The following EMC8 variants were observed in gnomAD, a reference collection of about 807,000 sequenced individuals.
EMC8 encodes COX4 neighbor.
A neutral mutation model predicts 24.3 loss-of-function variants in EMC8; 11 were observed. The ratio of observed to expected loss-of-function variants is 0.45; its 90% CI spans 0.28 to 0.75. The LOEUF is 0.75. Among genes scored for constraint, EMC8 ranks in the 30% least tolerant of loss-of-function variants. The pLI, the probability that EMC8 is intolerant of heterozygous loss-of-function variation, is 0.12. For synonymous variants in EMC8, 145 were observed against 117.7 expected (o/e 1.23, Z -1.50); for missense variants, 277 against 282.7 (o/e 0.98, Z 0.14).
At chr16:85,794,416 C>T (rs1388785402) in intron 1 of EMC8, among the ~76,000 whole-genome samples, 1 of 152,100 alleles carries the variant, frequency 6.6e-6, no homozygotes, top group African/African-American at 2.4e-5. Context: ...GGGCTGAGTG[C>T]GGTGACTCAC....
At chr16:85,781,132 G>A in intron 3 of EMC8, 79 bp downstream of exon 3, 3 of 1,030,170 alleles carry the variant, frequency 2.9e-6, no homozygotes, top group South Asian at 2.6e-5. Flanking sequence ...TTAGCGGAAA[G>A]GAAACCGCCG....
chr16:85,793,534 C>A (rs948548494), intron 1 of EMC8, among the ~76,000 whole-genome samples: 17 of 152,168 alleles, frequency 1.1e-4, no homozygotes, highest in African/African-American at 3.1e-4. Context: ...CTCTCCCCAT[C>A]CCCAAGGTGG....
At chr16:85,781,178 G>A (rs745409964) in intron 3 of EMC8, 33 bp downstream of exon 3, 8 of 1,566,246 alleles carry the variant, frequency 5.1e-6, no homozygotes, top group African/African-American at 1.4e-5. Context: ...GGAGGCGCAA[G>A]GGCCTCCCAC....
chr16:85,784,870 T>C (rs78037909), intron 2 of EMC8: 15 of 152,182 alleles, frequency 9.9e-5, no homozygotes, highest in African/African-American at 1.9e-4. Flanking sequence ...TTGATTTTTA[T>C]TGGGGAGAGG....
intron 1 of EMC8, among the ~76,000 whole-genome samples, chr16:85,789,344 C>T (rs1904900109): frequency 6.6e-6 from 1 of 152,230 alleles, no homozygotes; most frequent in African/African-American, 2.4e-5. Context: ...CTTCACCTAC[C>T]TTCTCTTATA....
In EMC8 at chr16:85,799,354, C is replaced by A; in HGVS notation, c.-59G>T. ...GCGCGGCTGAGGCCTGGACCCGCTG[C>A]CTGGCCGCGCGGCGCCTCAGCCGAG... On this transcript the variant is annotated 5_prime_UTR_variant, in exon 1 of 5. Coordinates refer to ENST00000253457, the MANE Select transcript of EMC8 (RefSeq NM_006067.5). This position sits in a 1 kb window ranked among gnomAD's most constrained non-coding sequence, Gnocchi z 4.2. 8.9e-7 allele frequency: 1 copy of A among 1,126,614 alleles called. No homozygotes were observed. The highest frequency in any genetic ancestry group is 1.2e-6 in the Non-Finnish European group (1 of 836,136). 69.8% of individuals were successfully genotyped at this position (1,126,614 alleles called of 1,614,324 possible). A position where few individuals can be genotyped will look rare whatever the true frequency, so the allele number is the denominator to read the frequency against.
At chr16:85,797,681 T>G (rs1250441118) in intron 1 of EMC8, among the ~76,000 whole-genome samples, 1 of 152,204 alleles carries the variant, frequency 6.6e-6, no homozygotes, top group Non-Finnish European at 1.5e-5. Flanking sequence ...GTGTCATAAT[T>G]AGTTAAGTTA....
At chr16:85,797,863 A>G (rs1313838397) in intron 1 of EMC8, among the ~76,000 whole-genome samples, 4 of 152,244 alleles carry the variant, frequency 2.6e-5, no homozygotes, top group African/African-American at 9.6e-5. Flanking sequence ...CAGCTCAGGT[A>G]TGCAGGTCTG....
Position 85,798,419 on chromosome 16 carries a change from G to T in EMC8, c.231+646C>A, listed in dbSNP as rs185731000. ...TTACAGGGGTCAGCCACCGCGCCCG[G>T]CCCCACAGAAATTCTTTAGCTTTTA... On this transcript the variant is annotated intron_variant, in intron 1 of 4. Transcript: ENST00000253457. 1.7e-3 allele frequency among the ~76,000 whole-genome samples: 252 copies of T among 152,190 alleles called. 2 individuals are homozygous for T. The highest frequency in any genetic ancestry group is 5.6e-3 in the African/African-American group (232 of 41,516).
At position 85,780,602 on chromosome 16, in the gene EMC8, T is replaced by A. The variant is rs553883507; in HGVS notation, c.379-129A>T. The A allele has an allele frequency of 1.0e-5, 7 of 672,476 alleles. No individual in the cohort carries two copies. In the East Asian group the frequency reaches 1.9e-4, roughly 18 times the overall value. 41.7% of individuals were successfully genotyped at this position (672,476 alleles called of 1,614,324 possible). ...GGGCAGAGACTCTTCCGACAGAGCCTGTATGCAGAGTGGCGCGAGTGTCTG... is the reference window on the plus strand; with the variant it reads ...GGGCAGAGACTCTTCCGACAGAGCCAGTATGCAGAGTGGCGCGAGTGTCTG... On this transcript the variant is annotated intron_variant, in intron 3 of 4. Transcript: ENST00000253457.
intron 1 of EMC8, among the ~76,000 whole-genome samples, chr16:85,793,212 C>G (rs1225908475): frequency 6.6e-6 from 1 of 152,182 alleles, no homozygotes; most frequent in South Asian, 2.1e-4. Flanking sequence ...TCTGCACTAT[C>G]CCCCCACGCC....
intron 1 of EMC8, among the ~76,000 whole-genome samples, chr16:85,793,900 G>C (rs145233177): frequency 6.6e-6 from 1 of 152,052 alleles, no homozygotes; most frequent in Non-Finnish European, 1.5e-5. Context: ...GTTAATAGGC[G>C]TAAGTACTTA....
intron 1 of EMC8, among the ~76,000 whole-genome samples, chr16:85,792,146 A>C (rs1905042537): frequency 6.9e-6 from 1 of 145,890 alleles, no homozygotes; most frequent in South Asian, 2.1e-4. Flanking sequence ...ATCACCTTGT[A>C]CCCACTCTCA....
intron 2 of EMC8, among the ~76,000 whole-genome samples, chr16:85,787,267 CT>C (rs778710598): frequency 2.0e-5 from 3 of 152,190 alleles, no homozygotes; most frequent in African/African-American, 4.8e-5. Context: ...CACGTCTGCA[CT>C]TGACAAGGCC....
At position 85,779,788 on chromosome 16, in the gene EMC8, C is replaced by T; in HGVS notation, c.553G>A (p.Asp185Asn). 6.2e-7 allele frequency: 1 copy of T among 1,614,206 alleles called. No homozygotes were observed. The highest frequency in any genetic ancestry group is 8.5e-7 in the Non-Finnish European group (1 of 1,180,018). The change falls in exon 5 of 5, where the codon GAT becomes AAT. Residue 185 changes from aspartate to asparagine, a missense_variant. Physicochemically the swap from Asp to Asn is conservative, Grantham distance 23. Coordinates refer to ENST00000253457, the MANE Select transcript of EMC8 (RefSeq NM_006067.5). The stretch of plus-strand genomic sequence containing the variant: ...ATGTCATCCAGGTGGTTATCGAAAT[C>T]CACGAGCGTCTCGTAGGACCGGCTG... The part of the protein sequence containing the change: ...LDSRSYETLV[D>N]FDNHLDDIRN...
intron 1 of EMC8, chr16:85,798,668 A>C: frequency 5.2e-6 from 1 of 191,610 alleles, no homozygotes; most frequent in East Asian, 1.3e-4. Context: ...GGCTCTGCGA[A>C]GGTGCGAAGA....
intron 2 of EMC8, among the ~76,000 whole-genome samples, chr16:85,782,275 C>A (rs1597199889): frequency 6.6e-6 from 1 of 152,364 alleles, no homozygotes; most frequent in Non-Finnish European, 1.5e-5. Flanking sequence ...CTCAGCCTTT[C>A]CACATCTTCT....
chr16:85,799,118 G>C lies in EMC8; in HGVS notation c.178C>G (p.Leu60Val). 1 of 1,590,512 alleles carries C rather than the reference G, an allele frequency of 6.3e-7. No individual in the cohort carries two copies. The highest frequency in any genetic ancestry group is 8.6e-7 in the Non-Finnish European group (1 of 1,168,874). Residue 60 changes from leucine to valine, a missense_variant, in exon 1 of 5, where the codon CTC becomes GTC. Leu to Val is a conservative substitution (Grantham distance 32). Transcript: ENST00000253457. This position sits in a 1 kb window ranked among gnomAD's most constrained non-coding sequence, Gnocchi z 4.2. ...GCGAGGGCCAGGGTGCCGTGGAAGA[G>C]GGGGATGCAGTCCACGAAGAGGGTG... is the stretch of plus-strand genomic sequence containing the variant. The part of the protein sequence containing the change: ...HHTLFVDCIP[L>V]FHGTLALAPM...
chr16:85,780,619 G>A (rs1219898156), intron 3 of EMC8, 146 bp from the exon 4 acceptor site: 13 of 637,324 alleles, frequency 2.0e-5, no homozygotes, highest in Non-Finnish European at 3.1e-5. Flanking sequence ...AGAGTGGCGC[G>A]AGTGTCTGGC....
Sources: gnomAD v4.1 joint callset for allele counts (sites outside exome capture counted in the v4.1 genomes callset) on GRCh38, gnomAD v4.1.1 for gene constraint, Gnocchi (gnomAD v3.1) non-coding constraint, MANE v1.5 for transcripts, NCBI Gene and HGNC (gene_info 2026-07-23, HGNC 2026-07-21) for gene names.